Variants in ARSB observed in about 807,000 individuals in gnomAD.
ARSB encodes arylsulfatase B.
A neutral mutation model predicts 50.9 loss-of-function variants in ARSB; 41 were observed. The ratio of observed to expected loss-of-function variants is 0.81; its 90% confidence interval spans 0.63 to 1.04. The LOEUF is 1.04. Among genes scored for constraint, ARSB ranks in the 50% least tolerant of loss-of-function variants. ARSB has a pLI of 0.00. For missense variants in ARSB, 672 were observed against 693.3 expected, an observed-to-expected ratio of 0.97 and a Z score of 0.35; for synonymous variants, 269 against 284.8, an observed-to-expected ratio of 0.94 and a Z score of 0.56.
intron 5 of ARSB, among the ~76,000 whole-genome samples, chr5:78,866,867 C>T (rs1007672323): frequency 2.0e-5 from 3 of 152,202 alleles, no homozygotes; most frequent in Non-Finnish European, 4.4e-5. Flanking sequence ...GCATGAGCGA[C>T]GCAGAAGACG....
At chr5:78,792,328 G>A (rs1364153367) in intron 6 of ARSB, among the ~76,000 whole-genome samples, 3 of 150,908 alleles carry the variant, frequency 2.0e-5, no homozygotes, top group South Asian at 2.1e-4. Context: ...GCAGCGAGCC[G>A]AGATCGCATC....
At chr5:78,831,713 T>C (rs1744694517) in intron 6 of ARSB, among the ~76,000 whole-genome samples, 1 of 152,176 alleles carries the variant, frequency 6.6e-6, no homozygotes, top group African/African-American at 2.4e-5. Flanking sequence ...ACTTGGATTA[T>C]AAAGAGTGAA....
intron 6 of ARSB, among the ~76,000 whole-genome samples, chr5:78,838,855 TC>T (rs34239164): frequency 0.23 from 34,608 of 152,140 alleles, 4,795 homozygotes; most frequent in Admixed American, 0.31. Context: ...CGGAATCACT[TC>T]CAGGACTGCT....
intron 6 of ARSB, chr5:78,815,591 A>T: frequency 1.0e-6 from 1 of 986,242 alleles, no homozygotes; most frequent in Non-Finnish European, 1.2e-6. Flanking sequence ...TGGCTTTTCA[A>T]AATTTCTGTT....
At chr5:78,985,869 C>T (rs1753165883), upstream of ARSB, 1 of 152,282 alleles carries the variant, frequency 6.6e-6, no homozygotes, top group African/African-American at 2.4e-5. Context: ...GCCGCTTCCT[C>T]CCCACTAGCA....
At chr5:78,788,635 C>T (rs1749162246) in intron 6 of ARSB, among the ~76,000 whole-genome samples, 2 of 152,042 alleles carry the variant, frequency 1.3e-5, no homozygotes, top group Admixed American at 1.3e-4. Context: ...CACTGTTGCT[C>T]AGGCTAAAAT....
chr5:78,968,963 C>T, intron 2 of ARSB, 43 bp downstream of exon 2: 1 of 1,601,402 alleles, frequency 6.2e-7, no homozygotes, highest in Non-Finnish European at 8.6e-7. Context: ...GAGATGGCTG[C>T]AGTTAGTCTA....
In ARSB at chr5:78,915,775, G is replaced by A. The variant is rs141617117; in HGVS notation, c.899-29948C>T. Among the ~76,000 whole-genome samples, 494 of 152,302 alleles carry A rather than the reference G, an allele frequency of 3.2e-3. 3 individuals carry two copies. The highest frequency in any genetic ancestry group is 0.011 in the African/African-American group (466 of 41,572). ...TTCATTTATGTTTCATATACACATA[G>A]CCTGAAGGTAATTTTATACAATATT... On this transcript the variant is annotated intron_variant, in intron 4 of 7. Transcript: ENST00000264914.
At chr5:78,969,324 A>C in intron 1 of ARSB, 132 bp from the exon 2 acceptor site, 1 of 958,482 alleles carries the variant, frequency 1.0e-6, no homozygotes, top group Non-Finnish European at 1.6e-6. Context: ...TACTGGCTTG[A>C]GGATATTTCT....
At chr5:78,958,445 T>C (rs1004065276) in intron 3 of ARSB, among the ~76,000 whole-genome samples, 3 of 152,244 alleles carry the variant, frequency 2.0e-5, no homozygotes, top group Admixed American at 2.0e-4. Flanking sequence ...GAAAAAAAGA[T>C]TTGGGGATCA....
At chr5:78,959,913 C>T (rs1181031714) in intron 3 of ARSB, among the ~76,000 whole-genome samples, 1 of 152,318 alleles carries the variant, frequency 6.6e-6, no homozygotes, top group East Asian at 1.9e-4. Flanking sequence ...ATTCCTAGGA[C>T]CCTGCCTGTG....
At chr5:78,943,097 T>C (rs934092063) in intron 4 of ARSB, among the ~76,000 whole-genome samples, 7 of 152,228 alleles carry the variant, frequency 4.6e-5, no homozygotes, top group African/African-American at 1.7e-4. Flanking sequence ...AGACTAGGAT[T>C]GCAATCCCTG....
intron 1 of ARSB, among the ~76,000 whole-genome samples, chr5:78,978,834 A>G (rs1223568772): frequency 1.3e-5 from 2 of 152,218 alleles, no homozygotes; most frequent in Admixed American, 1.3e-4. Flanking sequence ...AATGAACTCC[A>G]AATGGATCAA....
chr5:78,838,970 TCTGA>T (rs781065529), intron 6 of ARSB, among the ~76,000 whole-genome samples: 1 of 152,182 alleles, frequency 6.6e-6, no homozygotes, highest in Non-Finnish European at 1.5e-5. Context: ...CTGTGGCTTA[TCTGA>T]CTGTGAGTTT....
intron 4 of ARSB, among the ~76,000 whole-genome samples, chr5:78,921,738 T>C (rs932679780): frequency 6.6e-6 from 1 of 152,146 alleles, no homozygotes; most frequent in African/African-American, 2.4e-5. Context: ...AAAGAAGAAA[T>C]CAAAAGGGAA....
At chr5:78,935,305 A>C (rs1750528147) in intron 4 of ARSB, among the ~76,000 whole-genome samples, 1 of 152,220 alleles carries the variant, frequency 6.6e-6, no homozygotes, top group Admixed American at 6.5e-5. Context: ...TCAGAAGCTA[A>C]AATATAAATG....
intron 5 of ARSB, among the ~76,000 whole-genome samples, chr5:78,846,884 G>A (rs1198769788): frequency 6.6e-6 from 1 of 152,138 alleles, no homozygotes; most frequent in East Asian, 1.9e-4. Context: ...TTTGCTATGG[G>A]CTTATGATAT....
chr5:78,849,383 C>T (rs969783055), intron 5 of ARSB, among the ~76,000 whole-genome samples: 3 of 151,860 alleles, frequency 2.0e-5, no homozygotes, highest in Non-Finnish European at 1.5e-5. Context: ...TGTAGGTAAG[C>T]GGCATTATTT....
At chr5:78,838,684 T>C (rs1443281746) in intron 6 of ARSB, among the ~76,000 whole-genome samples, 1 of 152,216 alleles carries the variant, frequency 6.6e-6, no homozygotes, top group Non-Finnish European at 1.5e-5. Flanking sequence ...TAAGGCTTTC[T>C]ATGCCCAAAC....
Sources: gnomAD v4.1 joint callset for allele counts (sites outside exome capture counted in the v4.1 genomes callset) on GRCh38, gnomAD v4.1.1 for gene constraint, MANE v1.5 for transcripts, NCBI Gene and HGNC (gene_info 2026-07-23, HGNC 2026-07-21) for gene names.